The following LAMB3 variants were observed in gnomAD, a reference collection of about 807,000 sequenced individuals.
LAMB3 encodes laminin subunit beta 3, also known as laminin subunit beta-3.
LAMB3 carries 104 observed loss-of-function variants against 140.3 expected under a neutral mutation model. The observed-to-expected ratio is 0.74, with a 90% CI of 0.63 to 0.87. The LOEUF is 0.87. Ranked by LOEUF, LAMB3 falls within the 40% of genes least tolerant of loss-of-function variation. The pLI is 0.00. For synonymous variants in LAMB3, 592 were observed against 602.9 expected, an observed-to-expected ratio of 0.98 and a Z score of 0.26; for missense variants, 1,531 against 1,575.2, an observed-to-expected ratio of 0.97 and a Z score of 0.47.
At position 209,629,615 on chromosome 1, in the gene LAMB3, C is replaced by T. The variant is rs904027861; in HGVS notation, c.1132+122G>A. 7.6e-6 allele frequency: 7 copies of T among 918,544 alleles called. No homozygotes were observed. The African/African-American group carries it at 9.8e-5, about 13-fold the overall frequency. The allele number at this position is 918,544 out of a possible 1,614,324, so 56.9% of individuals were successfully genotyped here. On this transcript the variant is annotated intron_variant, in intron 10 of 22. Transcript: ENST00000356082. ...ATAATCTCCCACAAATCCTGACTCA[C>T]AGCCAAGTTTTCATGCTCCCTGAGG...
intron 17 of LAMB3, 60 bp from the exon 18 acceptor site, chr1:209,622,740 C>G (rs1241971782): frequency 6.2e-6 from 10 of 1,604,894 alleles, no homozygotes; most frequent in Admixed American, 1.7e-5. Flanking sequence ...CTCAGCAGCC[C>G]CACGATTCTG....
At position 209,629,882 on chromosome 1, in the gene LAMB3, G is replaced by A. The variant is rs935427824; in HGVS notation, c.987C>T (p.Pro329=). ...NGHSETCHFD[P]AVFAASQGAY... ...CCCCCTGGCTGGCGGCAAACACAGC[G>A]GGGTCAAAGTGACATGTCTCTGAGT... Residue 329 remains proline (P), a synonymous_variant, in exon 10 of 23, where the codon CCC becomes CCT. Coordinates refer to ENST00000356082, the MANE Select transcript of LAMB3 (RefSeq NM_000228.3). 11 of 1,614,018 alleles carry A rather than the reference G, an allele frequency of 6.8e-6. No homozygotes were observed. Among genetic ancestry groups the A allele is most frequent in the Admixed American group, 1.7e-5 (1 of 59,994 alleles).
Position 209,622,656 on chromosome 1 carries a change from A to T in LAMB3, c.2581T>A (p.Ser861Thr), listed in dbSNP as rs776535209. Reference sequence around the variant, plus strand: ...CGCTGGGCACTGGATTGAATCTGTGAGGCAGATTCCTCGGCTGCCCTAATC... The same window carrying T: ...CGCTGGGCACTGGATTGAATCTGTGTGGCAGATTCCTCGGCTGCCCTAATC... ...QMIRAAEESA[S>T]QIQSSAQRLE... The change falls in exon 18 of 23, where the codon TCA becomes ACA. Residue 861 changes from serine (S) to threonine (T), a missense_variant. Physicochemically the swap from Ser to Thr is moderately conservative, Grantham distance 58 (BLOSUM62 1). Transcript: ENST00000356082. 1 of 1,613,996 alleles carries T rather than the reference A, an allele frequency of 6.2e-7. No homozygotes were observed. The highest frequency in any genetic ancestry group is 8.5e-7 in the Non-Finnish European group (1 of 1,180,004).
intron 3 of LAMB3, among the ~76,000 whole-genome samples, chr1:209,648,431 GA>G (rs952709847): frequency 1.8e-4 from 27 of 151,736 alleles, no homozygotes; most frequent in African/African-American, 5.8e-4. Context: ...TTCCCCCTTA[GA>G]AAAAAAAGAA....
chr1:209,642,190 T>C (rs745486186), intron 3 of LAMB3, among the ~76,000 whole-genome samples: 11 of 152,178 alleles, frequency 7.2e-5, no homozygotes, highest in Non-Finnish European at 1.3e-4. Flanking sequence ...TTATGTTTTA[T>C]GAAAAAAAGC....
chr1:209,638,081 C>G (rs1666951043), intron 4 of LAMB3, 100 bp from the exon 5 acceptor site: 1 of 974,148 alleles, frequency 1.0e-6, no homozygotes, highest in Middle Eastern at 2.0e-4. Context: ...CTCAGAAACT[C>G]TCTAACCTTG....
At chr1:209,626,665 C>G (rs192172977) in intron 13 of LAMB3, among the ~76,000 whole-genome samples, 16 of 152,364 alleles carry the variant, frequency 1.1e-4, no homozygotes, top group African/African-American at 3.8e-4. Flanking sequence ...GACGCAGGAA[C>G]AGCGGGCATA....
chr1:209,624,470 C>T (rs561382977), intron 14 of LAMB3, among the ~76,000 whole-genome samples: 1 of 152,364 alleles, frequency 6.6e-6, no homozygotes, highest in South Asian at 2.1e-4. Flanking sequence ...CTCCCAGGCC[C>T]TTGGCCACTG....
intron 22 of LAMB3, 120 bp downstream of exon 22, chr1:209,616,351 T>C: frequency 1.7e-6 from 2 of 1,171,000 alleles, no homozygotes; most frequent in Non-Finnish European, 1.3e-6. Context: ...AAAAATCTCA[T>C]TTGATCTCAC....
At chr1:209,628,424 G>T (rs924210424) in intron 10 of LAMB3, among the ~76,000 whole-genome samples, 1 of 152,160 alleles carries the variant, frequency 6.6e-6, no homozygotes, top group African/African-American at 2.4e-5. Context: ...ATGGCTGTGC[G>T]CGGTGGCTCA....
chr1:209,624,500 C>T (rs1666343307), intron 14 of LAMB3, among the ~76,000 whole-genome samples: 1 of 152,238 alleles, frequency 6.6e-6, no homozygotes. Context: ...AGAGTCCTCT[C>T]TCCCTGTGCC....
chr1:209,650,862 G>A, intron 2 of LAMB3, 55 bp downstream of exon 2: 1 of 1,551,056 alleles, frequency 6.4e-7, no homozygotes, highest in Non-Finnish European at 8.9e-7. Flanking sequence ...TCTCCCTGTG[G>A]CTGTTGCCTC....
chr1:209,634,221 G>A (rs1233337054), intron 6 of LAMB3, among the ~76,000 whole-genome samples: 3 of 152,084 alleles, frequency 2.0e-5, no homozygotes, highest in South Asian at 2.1e-4. Context: ...TGAGTAATGC[G>A]GTGGCCCCAA....
intron 18 of LAMB3, among the ~76,000 whole-genome samples, chr1:209,621,794 T>C (rs550316259): frequency 7.2e-5 from 11 of 152,120 alleles, no homozygotes; most frequent in African/African-American, 2.7e-4. Context: ...TGAGGAAGGG[T>C]GTCTGGTTCA....
At position 209,628,065 on chromosome 1, in the gene LAMB3, G is replaced by C. The variant is rs376412573; in HGVS notation, c.1258C>G (p.Leu420Val). 8.0e-5 allele frequency: 128 copies of C among 1,607,418 alleles called. No individual in the cohort carries two copies. Among genetic ancestry groups the C allele is most frequent in the Admixed American group, 1.3e-4 (8 of 59,502 alleles). Residue 420 changes from leucine (L) to valine (V), a missense_variant, in exon 11 of 23, where the codon CTC becomes GTC. Leu to Val is a conservative substitution (Grantham distance 32, BLOSUM62 1). Transcript: ENST00000356082. ...CAGCCCTGCGGGTTGGCGTAGGTGA[G>C]TCCAGTGAAGCCCGGCTTGCATAGG... Reference protein sequence around the residue: ...CDLCKPGFTGLTYANPQGCHR... With the variant: ...CDLCKPGFTGVTYANPQGCHR...
At chr1:209,630,212 C>T (rs149525287) in intron 9 of LAMB3, among the ~76,000 whole-genome samples, 1 of 152,262 alleles carries the variant, frequency 6.6e-6, no homozygotes, top group African/African-American at 2.4e-5. Context: ...ATGCTCTATC[C>T]CCAACCCTCC....
At chr1:209,650,893 G>A (rs775940266) in intron 2 of LAMB3, 24 bp downstream of exon 2, 1 of 1,612,694 alleles carries the variant, frequency 6.2e-7, no homozygotes. Context: ...AACAGGGCCT[G>A]GAAGGATGGG....
chr1:209,622,943 T>G, intron 17 of LAMB3, 39 bp downstream of exon 17: 1 of 1,604,876 alleles, frequency 6.2e-7, no homozygotes, highest in Non-Finnish European at 8.5e-7. Flanking sequence ...CCTGTCTGCC[T>G]CCTCCTACCT....
In LAMB3 at chr1:209,615,420, G is replaced by C; in HGVS notation, c.3383-13C>G. On this transcript the variant is annotated splice_polypyrimidine_tract_variant and intron_variant, in intron 22 of 22. Transcript: ENST00000356082. The stretch of plus-strand genomic sequence containing the variant: ...TCCAACTCCATGTCTGAGGCAAATG[G>C]AACAGCAGCAGGAGGAGGAGTTGAT... The C allele has an allele frequency of 6.3e-7, 1 of 1,585,304 alleles. No homozygotes were observed. The highest frequency in any genetic ancestry group is 1.7e-5 in the Admixed American group (1 of 58,660).
Sources: gnomAD v4.1 joint callset for allele counts (sites outside exome capture counted in the v4.1 genomes callset) on GRCh38, gnomAD v4.1.1 for gene constraint, MANE v1.5 for transcripts, NCBI Gene and HGNC (gene_info 2026-07-23, HGNC 2026-07-21) for gene names.